The following DAB1 variants were observed in gnomAD, a reference collection of about 807,000 sequenced individuals.
The protein encoded by DAB1 is DAB adaptor protein 1.
In DAB1, 15 loss-of-function variants were observed where a neutral mutation model predicts 64.6. That is an observed-to-expected ratio of 0.23 (90% CI 0.16 to 0.36). The LOEUF (loss-of-function observed/expected upper bound fraction) is 0.36. Among genes scored for constraint, DAB1 ranks in the 10% least tolerant of loss-of-function variants. The pLI, the probability that DAB1 is intolerant of heterozygous loss-of-function variation, is 1.00. For missense variants in DAB1, 596 were observed against 706.7 expected (o/e 0.84, Z 1.78); for synonymous variants, 235 against 251.9 (o/e 0.93, Z 0.64).
chr1:57,115,585 TTAAATC>T (rs1656038297), intron 4 of DAB1, among the ~76,000 whole-genome samples: 1 of 152,170 alleles, frequency 6.6e-6, no homozygotes, highest in Non-Finnish European at 1.5e-5. Context: ...TAATTTAAAT[TTAAATC>T]TAAATAGTCA....
In DAB1 at chr1:58,514,465, G is replaced by A. The variant is rs145479666; in HGVS notation, n.108-8256C>T. ...ATGAAAAGTATCTCTGAATTTTGCT[G>A]TCTGTATTCACTAGACACTCCAACA... On this transcript the variant is annotated intron_variant and non_coding_transcript_variant, in intron 2 of 20. Coordinates refer to the DAB1 transcript ENST00000485760. 1.3e-4 allele frequency among the ~76,000 whole-genome samples: 20 copies of A among 152,256 alleles called. No homozygotes were observed. In the East Asian group the frequency reaches 3.1e-3, roughly 24 times the overall value.
intron 5 of DAB1, among the ~76,000 whole-genome samples, chr1:57,916,781 T>C (rs1003946350): frequency 6.6e-6 from 1 of 151,842 alleles, no homozygotes; most frequent in Non-Finnish European, 1.5e-5. Context: ...CTACTAATAA[T>C]ACAAAAGAAA....
chr1:58,034,607 T>G (rs1227093390), intron 5 of DAB1, among the ~76,000 whole-genome samples: 1 of 152,214 alleles, frequency 6.6e-6, no homozygotes, highest in Admixed American at 6.5e-5. Context: ...TGAGTTCGAA[T>G]TGGAAAATCA....
chr1:58,323,730 C>T (rs148621091), intron 4 of DAB1, among the ~76,000 whole-genome samples: 4,975 of 151,996 alleles, frequency 0.033, 231 homozygotes, highest in East Asian at 0.24. Flanking sequence ...TCGAGACCAT[C>T]CTGGCTAACA....
At chr1:58,476,362 C>T (rs1363288508) in intron 3 of DAB1, among the ~76,000 whole-genome samples, 1 of 152,148 alleles carries the variant, frequency 6.6e-6, no homozygotes, top group African/African-American at 2.4e-5. Context: ...ATGCCCCATG[C>T]TCTGCAGTCT....
intron 2 of DAB1, among the ~76,000 whole-genome samples, chr1:57,228,321 C>T (rs150039998): frequency 1.6e-3 from 246 of 151,846 alleles, no homozygotes; most frequent in African/African-American, 5.4e-3. Flanking sequence ...TCATTTGCAA[C>T]GACAAAATTT....
At chr1:58,494,056 G>T (rs949744592) in intron 3 of DAB1, among the ~76,000 whole-genome samples, 16 of 152,066 alleles carry the variant, frequency 1.1e-4, no homozygotes, top group Admixed American at 7.2e-4. Flanking sequence ...CATGGTACTG[G>T]TACCAAAACA....
At chr1:57,297,306 T>G (rs1570200776) in intron 1 of DAB1, among the ~76,000 whole-genome samples, 1 of 152,184 alleles carries the variant, frequency 6.6e-6, no homozygotes, top group Non-Finnish European at 1.5e-5. Context: ...TTGATAAACT[T>G]GAATATGAAT....
chr1:58,125,941 A>G lies in DAB1; in HGVS notation n.387+24570T>C, dbSNP rs142885350. 3.7e-3 allele frequency among the ~76,000 whole-genome samples: 558 copies of G among 152,184 alleles called. 1 individual carries two copies. Among genetic ancestry groups the G allele is most frequent in the African/African-American group, 0.012 (495 of 41,540 alleles). The stretch of plus-strand genomic sequence containing the variant: ...CAGTAAACAACCTAAAATCTCTATG[A>G]CAGGCCCCAGGAGGAAGGAGAAGGG... On this transcript the variant is annotated intron_variant and non_coding_transcript_variant, in intron 5 of 20. Coordinates refer to the DAB1 transcript ENST00000485760.
At chr1:57,088,616 C>T (rs529122) in intron 4 of DAB1, among the ~76,000 whole-genome samples, 36,008 of 152,062 alleles carry the variant, frequency 0.24, 5,067 homozygotes, top group Middle Eastern at 0.37. Context: ...TCTCCCAGTG[C>T]CCACCTCCAG....
intron 14 of DAB1, among the ~76,000 whole-genome samples, chr1:57,006,266 T>C (rs1047938867): frequency 2.0e-5 from 3 of 152,200 alleles, no homozygotes; most frequent in Non-Finnish European, 4.4e-5. Context: ...AGAGGTTGTA[T>C]CCAGCAGCCT....
At chr1:57,689,322 T>C (rs1646736552) in intron 6 of DAB1, among the ~76,000 whole-genome samples, 2 of 152,052 alleles carry the variant, frequency 1.3e-5, no homozygotes, top group African/African-American at 2.4e-5. Context: ...CCCAGGCCTG[T>C]GGAAGAAGGT....
intron 4 of DAB1, among the ~76,000 whole-genome samples, chr1:58,313,819 ATGTGTG>A (rs35817738): frequency 9.3e-4 from 112 of 120,052 alleles, no homozygotes; most frequent in Admixed American, 2.2e-3. Context: ...TTGTATCTTC[ATGTGTG>A]TGTGTGTGTG....
chr1:58,018,128 T>C (rs1411174654), intron 5 of DAB1, among the ~76,000 whole-genome samples: 1 of 150,908 alleles, frequency 6.6e-6, no homozygotes, highest in African/African-American at 2.5e-5. Context: ...AGTGCTTTTA[T>C]ACACCAAGGC....
intron 12 of DAB1, among the ~76,000 whole-genome samples, chr1:57,013,581 C>T (rs1212249555): frequency 6.6e-6 from 1 of 152,104 alleles, no homozygotes; most frequent in African/African-American, 2.4e-5. Context: ...CATTCTGAAC[C>T]TGGCTGAAAT....
intron 4 of DAB1, among the ~76,000 whole-genome samples, chr1:58,172,361 G>A (rs1006037107): frequency 6.6e-6 from 1 of 152,130 alleles, no homozygotes; most frequent in Admixed American, 6.5e-5. Flanking sequence ...TTGTGGTGGT[G>A]GCCGTCTTAG....
chr1:58,130,697 T>C (rs1319664039), intron 5 of DAB1, among the ~76,000 whole-genome samples: 3 of 151,776 alleles, frequency 2.0e-5, no homozygotes, highest in Non-Finnish European at 4.4e-5. Context: ...TAAAGTATTT[T>C]ATTTCTCCTT....
intron 5 of DAB1, among the ~76,000 whole-genome samples, chr1:57,972,394 A>T (rs527609996): frequency 1.3e-5 from 2 of 152,030 alleles, no homozygotes; most frequent in East Asian, 3.9e-4. Flanking sequence ...GAGCCACCAT[A>T]CCTGGTTAAT....
intron 7 of DAB1, among the ~76,000 whole-genome samples, chr1:57,611,198 C>T (rs984931509): frequency 1.3e-4 from 20 of 150,760 alleles, no homozygotes; most frequent in African/African-American, 1.5e-4. Context: ...CTCAGGCACC[C>T]GGCATAGGCA....
Sources: allele counts gnomAD v4.1 joint callset (sites outside exome capture counted in the v4.1 genomes callset), GRCh38; gene constraint gnomAD v4.1.1; transcripts MANE v1.5; gene names NCBI Gene and HGNC (gene_info 2026-07-23, HGNC 2026-07-21).